SLC28A3: variants seen among roughly 807,000 people sequenced by gnomAD.
SLC28A3 encodes concentrative Na(+)-nucleoside cotransporter 3.
Under a neutral mutation model 84.2 loss-of-function variants are expected in SLC28A3, and 68 were observed. The ratio of observed to expected loss-of-function variants is 0.81; its 90% CI spans 0.66 to 0.99. SLC28A3 has a LOEUF of 0.99. SLC28A3 is among the 50% of genes least tolerant of loss of function. The probability of loss-of-function intolerance (pLI) is 0.00; values close to 1 mark genes in which losing one functional copy is unlikely to be tolerated. For missense variants in SLC28A3, 712 were observed against 841.5 expected, an observed-to-expected ratio of 0.85 and a Z score of 1.90; for synonymous variants, 267 against 303.6, an observed-to-expected ratio of 0.88 and a Z score of 1.25.
the SLC28A3 span, among the ~76,000 whole-genome samples, chr9:84,368,431 T>C: frequency 6.6e-6 from 1 of 152,086 alleles, no homozygotes; most frequent in Non-Finnish European, 1.5e-5. Flanking sequence ...TCTCTTCTTT[T>C]CCCCCACACT....
At chr9:84,324,918 A>G (rs2118534380) in intron 1 of SLC28A3, among the ~76,000 whole-genome samples, 1 of 152,314 alleles carries the variant, frequency 6.6e-6, no homozygotes, top group South Asian at 2.1e-4. Flanking sequence ...ACTCACATGA[A>G]TGGCTTACTT....
At chr9:84,299,888 G>A (rs1451743685) in intron 5 of SLC28A3, among the ~76,000 whole-genome samples, 163 bp from the exon 6 acceptor site, 1 of 152,068 alleles carries the variant, frequency 6.6e-6, no homozygotes, top group Non-Finnish European at 1.5e-5. Flanking sequence ...CACTTCCCGG[G>A]TTCAAGCAAT....
At chr9:84,321,608 C>T (rs1826379190) in intron 1 of SLC28A3, among the ~76,000 whole-genome samples, 1 of 151,698 alleles carries the variant, frequency 6.6e-6, no homozygotes, top group Admixed American at 6.6e-5. Flanking sequence ...GTGGCAGGCG[C>T]CTGTAGTCCC....
rs2118586026 is a variant in SLC28A3, at chr9:84,331,828, T to C, written c.60+8746A>G. ...GAACTGTTTTGACCTCTGTTGCTGT[T>C]AACTTCCATCTCTTTGGATTCTTCC... On this transcript the variant is annotated intron_variant, in intron 1 of 17. Transcript: ENST00000376238. Among the ~76,000 whole-genome samples the C allele has an allele frequency of 3.9e-5, 6 of 152,318 alleles. No individual in the cohort carries two copies. In the South Asian group the frequency reaches 1.2e-3, roughly 32 times the overall value.
intron 3 of SLC28A3, among the ~76,000 whole-genome samples, chr9:84,307,442 A>C (rs953653809): frequency 1.3e-5 from 2 of 150,736 alleles, no homozygotes; most frequent in African/African-American, 2.4e-5. Context: ...AAAAAAAAAA[A>C]AAACAAAAAC....
At chr9:84,357,939 T>C in the SLC28A3 span, among the ~76,000 whole-genome samples, 4 of 152,120 alleles carry the variant, frequency 2.6e-5, no homozygotes, top group Admixed American at 6.5e-5. Flanking sequence ...CTTTCCAAGC[T>C]AAAGAGGAAT....
intron 1 of SLC28A3, among the ~76,000 whole-genome samples, chr9:84,315,385 G>A (rs553591420): frequency 7.2e-5 from 11 of 152,242 alleles, no homozygotes; most frequent in East Asian, 1.9e-4. Context: ...GGGTTCTTGC[G>A]GATCCTTACG....
At chr9:84,315,946 A>G (rs1166326862) in intron 1 of SLC28A3, among the ~76,000 whole-genome samples, 2 of 152,196 alleles carry the variant, frequency 1.3e-5, no homozygotes, top group African/African-American at 4.8e-5. Context: ...TGAATGTGTA[A>G]GAAAGGTGAG....
At chr9:84,356,977 T>G in the SLC28A3 span, among the ~76,000 whole-genome samples, 1 of 152,222 alleles carries the variant, frequency 6.6e-6, no homozygotes, top group Non-Finnish European at 1.5e-5. Context: ...TTTCATTTTT[T>G]ATTATCGTAA....
chr9:84,325,076 G>C (rs1476715651), intron 1 of SLC28A3, among the ~76,000 whole-genome samples: 3 of 152,190 alleles, frequency 2.0e-5, no homozygotes, highest in African/African-American at 7.2e-5. Context: ...TTTTGGATTT[G>C]AGAAACCAAG....
At chr9:84,333,187 C>A (rs560238656) in intron 1 of SLC28A3, among the ~76,000 whole-genome samples, 35 of 152,194 alleles carry the variant, frequency 2.3e-4, no homozygotes, top group Non-Finnish European at 4.6e-4. Flanking sequence ...ATAATACAGA[C>A]GAAATGGGGT....
Position 84,294,197 on chromosome 9 carries a change from T to C in SLC28A3, c.940A>G (p.Lys314Glu). The C allele has an allele frequency of 6.2e-7, 1 of 1,613,890 alleles. No individual in the cohort carries two copies. The highest frequency in any genetic ancestry group is 8.5e-7 in the Non-Finnish European group (1 of 1,179,846). The change falls in exon 9 of 18, where the codon AAG becomes GAG. Residue 314 changes from lysine (K) to glutamate (E), a missense_variant and splice_region_variant. Coordinates refer to ENST00000376238, the MANE Select transcript of SLC28A3 (RefSeq NM_001199633.2). ...YLGLMQWIIRKVGWIMLVTTG... is the reference protein window; with the variant it reads ...YLGLMQWIIREVGWIMLVTTG... ...CCAGTCCCTCCCAGCCCCAGTACCT[T>C]TCTAATAATCCACTGCATCAGTCCC...
intron 1 of SLC28A3, among the ~76,000 whole-genome samples, chr9:84,329,227 A>G (rs1473400643): frequency 6.6e-6 from 1 of 152,252 alleles, no homozygotes; most frequent in Admixed American, 6.5e-5. Flanking sequence ...ACATGAAGCA[A>G]AAACTGACAG....
intron 1 of SLC28A3, among the ~76,000 whole-genome samples, chr9:84,314,059 C>T (rs1826084622): frequency 6.6e-6 from 1 of 152,136 alleles, no homozygotes. Context: ...TCTATCACAT[C>T]ACACTGATTT....
rs750250560 is a variant in SLC28A3, at chr9:84,285,895, A to T, written c.1449+48T>A. ...TACAAACCTATTTTATTTTTAAACA[A>T]AGATAGGCAGAAACAAAACAGAGGG... On this transcript the variant is annotated intron_variant, in intron 13 of 17. Transcript: ENST00000376238. The T allele has an allele frequency of 4.4e-6, 7 of 1,573,058 alleles. No individual in the cohort carries two copies. The South Asian group carries it at 7.0e-5, about 16-fold the overall frequency.
upstream of SLC28A3, among the ~76,000 whole-genome samples, chr9:84,342,148 AAG>A (rs1827175733): frequency 6.8e-6 from 1 of 147,982 alleles, no homozygotes; most frequent in African/African-American, 2.6e-5. Flanking sequence ...AAAAAAAGAA[AAG>A]AAAAAGAAAA....
rs1053441223 is a variant in SLC28A3, at chr9:84,276,900, G to T, written c.*1318C>A. On this transcript the variant is annotated 3_prime_UTR_variant, in exon 18 of 18. Transcript: ENST00000376238. Reference sequence around the variant, plus strand: ...ACATTCAGTGTCTGTTTCTTGACTTGGTAATTGATGTTTGTGTTTTCTCAC... The same window carrying T: ...ACATTCAGTGTCTGTTTCTTGACTTTGTAATTGATGTTTGTGTTTTCTCAC... The T allele has an allele frequency of 6.6e-6, 1 of 152,172 alleles. No homozygotes were observed. Among genetic ancestry groups the T allele is most frequent in the Non-Finnish European group, 1.5e-5 (1 of 68,040 alleles). 9.4% of individuals were successfully genotyped at this position (152,172 alleles called of 1,614,324 possible).
Position 84,301,369 on chromosome 9 carries a change from A to AAAAAAAAAAAAAG in SLC28A3, c.524+830_524+831insCTTTTTTTTTTTT, listed in dbSNP as rs753889714. On this transcript the variant is annotated intron_variant, in intron 5 of 17. Transcript: ENST00000376238. ...TGTCTCAAAAAAAAAAAAAAAAAAA[A>AAAAAAAAAAAAAG]AAAAAGAAAAGGCTGTAAACATTGG... Among the ~76,000 whole-genome samples the AAAAAAAAAAAAAG allele has an allele frequency of 3.7e-4, 49 of 132,390 alleles. No individual in the cohort carries two copies. In the East Asian group the frequency reaches 5.5e-3, roughly 15 times the overall value. 86.9% of individuals were successfully genotyped at this position (132,390 alleles called of 152,430 possible).
At chr9:84,357,665 CA>C in the SLC28A3 span, among the ~76,000 whole-genome samples, 215 of 152,186 alleles carry the variant, frequency 1.4e-3, no homozygotes, top group African/African-American at 5.0e-3. Flanking sequence ...ACTGCCTCCT[CA>C]AAAGGGTTGT....
Sources: allele counts gnomAD v4.1 joint callset (sites outside exome capture counted in the v4.1 genomes callset), GRCh38; gene constraint gnomAD v4.1.1; transcripts MANE v1.5; gene names NCBI Gene and HGNC (gene_info 2026-07-23, HGNC 2026-07-21).